Variants in TMEM131 observed in about 807,000 individuals in gnomAD.
TMEM131 encodes transmembrane protein 131.
TMEM131 carries 66 observed loss-of-function variants against 211.6 expected under a neutral mutation model. The ratio of observed to expected loss-of-function variants is 0.31; its 90% CI spans 0.26 to 0.38. The LOEUF is 0.38. Ranked by LOEUF, TMEM131 falls within the 10% of genes least tolerant of loss-of-function variation. The probability of loss-of-function intolerance (pLI) is 1.00; values close to 1 mark genes in which losing one functional copy is unlikely to be tolerated. For synonymous variants in TMEM131, 844 were observed against 841.3 expected (o/e 1.00, Z -0.06); for missense variants, 2,036 against 2,299.3 (o/e 0.89, Z 2.34).
chr2:97,987,682 C>G (rs543136464), intron 1 of TMEM131, among the ~76,000 whole-genome samples: 1 of 152,210 alleles, frequency 6.6e-6, no homozygotes, highest in Admixed American at 6.5e-5. Flanking sequence ...TAATGATACA[C>G]TGATTAAAAT....
Position 97,802,719 on chromosome 2 carries a change from G to A in TMEM131, c.2474C>T (p.Ser825Phe). The A allele has an allele frequency of 3.1e-6, 5 of 1,601,008 alleles. No individual in the cohort carries two copies. The highest frequency in any genetic ancestry group is 4.3e-6 in the Non-Finnish European group (5 of 1,175,510). The part of the protein sequence containing the change: ...NIISKITAEL[S>F]WPSILSSPRH... The stretch of plus-strand genomic sequence containing the variant: ...GGGTGAGCTAAGTATGGAAGGCCAG[G>A]AGAGCTCAGCAGTGATTTTTGATAT... The change falls in exon 23 of 41, where the codon TCC (serine) becomes TTC (phenylalanine). Residue 825 changes from serine (S) to phenylalanine (F), a missense_variant. Ser to Phe is a radical substitution (Grantham distance 155). Around this residue, in one of 3 missense-constraint regions of TMEM131, gnomAD observed 1,623 missense variants for 1,805.9 expected, o/e 0.90. Coordinates refer to ENST00000186436, the MANE Select transcript of TMEM131 (RefSeq NM_015348.2).
intron 7 of TMEM131, 111 bp from the exon 8 acceptor site, chr2:97,837,268 T>G: frequency 1.4e-6 from 1 of 737,608 alleles, no homozygotes; most frequent in Non-Finnish European, 2.2e-6. Context: ...CACAAAACAT[T>G]TAAAGATATA....
intron 4 of TMEM131, among the ~76,000 whole-genome samples, chr2:97,869,404 T>G (rs1674401598): frequency 6.6e-6 from 1 of 152,224 alleles, no homozygotes. Flanking sequence ...CTTCTGAGGC[T>G]GGCCCTGCCC....
intron 3 of TMEM131, among the ~76,000 whole-genome samples, chr2:97,893,784 C>T (rs1675485106): frequency 6.6e-6 from 1 of 151,922 alleles, no homozygotes; most frequent in African/African-American, 2.4e-5. Flanking sequence ...GATATTAGCT[C>T]TTTGTCAGAT....
intron 1 of TMEM131, among the ~76,000 whole-genome samples, chr2:97,971,694 G>A (rs2104604028): frequency 6.6e-6 from 1 of 152,208 alleles, no homozygotes; most frequent in East Asian, 1.9e-4. Context: ...CTGTGTGTAG[G>A]TTAAAAAGAA....
chr2:97,883,759 GTTCT>G lies in TMEM131; in HGVS notation c.359+4289_359+4292del, dbSNP rs562893520. ...ATATAATATACCCATAAATTTTGAT[GTTCT>G]TTATTATAAAATAACAGAAAATTCA... On this transcript the variant is annotated intron_variant, in intron 4 of 40. Coordinates refer to ENST00000186436, the MANE Select transcript of TMEM131 (RefSeq NM_015348.2). Among the ~76,000 whole-genome samples, 529 of 152,120 alleles carry G rather than the reference GTTCT, an allele frequency of 3.5e-3. 3 individuals carry two copies. Among genetic ancestry groups the G allele is most frequent in the African/African-American group, 0.011 (477 of 41,516 alleles).
At chr2:97,980,920 A>G (rs990145181) in intron 1 of TMEM131, among the ~76,000 whole-genome samples, 1 of 151,680 alleles carries the variant, frequency 6.6e-6, no homozygotes, top group Non-Finnish European at 1.5e-5. Flanking sequence ...GAAGTGGACT[A>G]TATGGAGATA....
At chr2:97,921,879 A>G (rs115915770) in intron 2 of TMEM131, among the ~76,000 whole-genome samples, 5 of 152,326 alleles carry the variant, frequency 3.3e-5, no homozygotes, top group Admixed American at 6.5e-5. Flanking sequence ...TCCAGAACAG[A>G]AGGAGGGAAG....
rs770972128 is a variant in TMEM131 at position 97,792,854 on chromosome 2, T to C, written c.3676A>G (p.Asn1226Asp). Residue 1226 changes from asparagine to aspartate, a missense_variant, in exon 31 of 41, where the codon AAT (asparagine) becomes GAT (aspartate). Physicochemically the swap from Asn to Asp is conservative, Grantham distance 23. This residue lies in a region of TMEM131 where 1,623 missense variants were observed against 1,805.9 expected (regional missense o/e 0.90). Coordinates refer to ENST00000186436, the MANE Select transcript of TMEM131 (RefSeq NM_015348.2). ...TTTTCCACGTCAGCTGAGTTTCTAT[T>C]GCTGTGACTGCTGTGTGGGTGGACC... ...PSVHPHSSHS[N>D]RNSADVENVR... 2.5e-6 allele frequency: 4 copies of C among 1,613,932 alleles called. No individual in the cohort carries two copies. In the Admixed American group the frequency reaches 5.0e-5, roughly 20 times the overall value.
intron 5 of TMEM131, among the ~76,000 whole-genome samples, chr2:97,848,624 A>AT (rs571717780): frequency 0.016 from 2,447 of 149,836 alleles, 33 homozygotes; most frequent in Admixed American, 0.026. Flanking sequence ...CAGAAGCACT[A>AT]TTTTTTTTTT....
intron 1 of TMEM131, among the ~76,000 whole-genome samples, chr2:97,962,798 G>A (rs988711122): frequency 6.6e-6 from 1 of 151,990 alleles, no homozygotes; most frequent in East Asian, 1.9e-4. Context: ...TCTATTAACA[G>A]GTAAAAAACT....
intron 31 of TMEM131, among the ~76,000 whole-genome samples, chr2:97,785,865 A>T (rs1185621609): frequency 6.6e-6 from 1 of 152,242 alleles, no homozygotes; most frequent in Non-Finnish European, 1.5e-5. Flanking sequence ...GAATCTCCAG[A>T]GAATTAAACT....
Position 97,995,709 on chromosome 2 carries a change from C to T in TMEM131, c.-47G>A. The stretch of plus-strand genomic sequence containing the variant: ...GCGCTCGAGGTCCGGCGCGGCCCTT[C>T]TCGGCGAGGCGGCGGCGGCGCGGAA... On this transcript the variant is annotated 5_prime_UTR_variant, in exon 1 of 41. Transcript: ENST00000186436. The T allele has an allele frequency of 8.6e-7, 1 of 1,168,508 alleles. No individual in the cohort carries two copies. The highest frequency in any genetic ancestry group is 1.1e-6 in the Non-Finnish European group (1 of 944,798). 72.4% of individuals were successfully genotyped at this position (1,168,508 alleles called of 1,614,324 possible).
At chr2:97,942,025 C>T (rs1392019288) in intron 1 of TMEM131, among the ~76,000 whole-genome samples, 1 of 152,108 alleles carries the variant, frequency 6.6e-6, no homozygotes, top group Admixed American at 6.6e-5. Context: ...CACATGCACA[C>T]ATATGTTTAT....
At chr2:97,853,483 A>G (rs6543177) in intron 5 of TMEM131, among the ~76,000 whole-genome samples, 111,756 of 149,268 alleles carry the variant, frequency 0.75, 43,513 homozygotes, top group African/African-American at 0.87. Flanking sequence ...GGACGGGCCT[A>G]TAATCCCAGC....
chr2:97,927,434 GC>G lies in TMEM131; in HGVS notation c.240del (p.Leu81TyrfsTer63). 1 of 1,588,944 alleles carries G rather than the reference GC, an allele frequency of 6.3e-7. No homozygotes were observed. Among genetic ancestry groups the G allele is most frequent in the Non-Finnish European group, 8.6e-7 (1 of 1,168,262 alleles). On this transcript the variant is annotated frameshift_variant, in exon 2 of 41. Coordinates refer to ENST00000186436, the MANE Select transcript of TMEM131 (RefSeq NM_015348.2). LOFTEE classifies it high-confidence loss of function. The stretch of plus-strand genomic sequence containing the variant: ...ACTTAAAAAAAAATTACCTGTAGTA[GC>G]CCTCCATCATCAAAACGCAGTACTT... ...IIEVLRFDDG[G>X]LLQTETTLGL...
chr2:97,793,104 G>A (rs570741599), intron 30 of TMEM131, 120 bp from the exon 31 acceptor site: 98 of 748,296 alleles, frequency 1.3e-4, no homozygotes, highest in Middle Eastern at 3.6e-4. Context: ...GGAAAAAATA[G>A]CAAGAAATAG....
chr2:97,757,547 T>G (rs1678562524), intron 40 of TMEM131, among the ~76,000 whole-genome samples, 164 bp from the exon 41 acceptor site: 1 of 152,144 alleles, frequency 6.6e-6, no homozygotes, highest in Non-Finnish European at 1.5e-5. Flanking sequence ...ATGTTTCTGA[T>G]TTTTTTGAGA....
chr2:97,829,286 T>C (rs564071730), intron 11 of TMEM131, among the ~76,000 whole-genome samples: 1 of 152,314 alleles, frequency 6.6e-6, no homozygotes, highest in Non-Finnish European at 1.5e-5. Context: ...AGCTAAAGGA[T>C]TGTAAATGCA....
Sources: gnomAD v4.1 joint callset for allele counts (sites outside exome capture counted in the v4.1 genomes callset) on GRCh38, gnomAD v4.1.1 for gene constraint, gnomAD v4.1.1 regional missense constraint, MANE v1.5 for transcripts, NCBI Gene and HGNC (gene_info 2026-07-23, HGNC 2026-07-21) for gene names.